The following PLXDC2 variants were observed in gnomAD, a reference collection of about 807,000 sequenced individuals.
PLXDC2 encodes the protein plexin domain-containing protein 2.
PLXDC2 carries 40 observed loss-of-function variants against 68.9 expected under a neutral mutation model. That is an observed-to-expected ratio of 0.58 (90% CI 0.45 to 0.76). The LOEUF is 0.76. Ranked by LOEUF, PLXDC2 falls within the 30% of genes least tolerant of loss-of-function variation. The pLI is 0.00. For missense variants in PLXDC2, 644 were observed against 661.9 expected, an observed-to-expected ratio of 0.97 and a Z score of 0.30; for synonymous variants, 243 against 234.2, an observed-to-expected ratio of 1.04 and a Z score of -0.34.
intron 3 of PLXDC2, among the ~76,000 whole-genome samples, chr10:20,060,516 T>C (rs1836082749): frequency 6.9e-6 from 1 of 144,080 alleles, no homozygotes. Flanking sequence ...AAAAAGTCAT[T>C]GAGGCTGGGC....
chr10:19,985,462 G>C (rs1028267625), intron 1 of PLXDC2, among the ~76,000 whole-genome samples: 1 of 152,106 alleles, frequency 6.6e-6, no homozygotes, highest in East Asian at 1.9e-4. Context: ...TTTCCACTTA[G>C]AGAAGTTGCT....
At chr10:19,889,229 T>C (rs1837903878) in intron 1 of PLXDC2, among the ~76,000 whole-genome samples, 2 of 151,990 alleles carry the variant, frequency 1.3e-5, no homozygotes. Context: ...TAAAATTATT[T>C]TTCTTCAAAT....
At chr10:19,872,706 A>T (rs534970077) in intron 1 of PLXDC2, among the ~76,000 whole-genome samples, 1 of 151,948 alleles carries the variant, frequency 6.6e-6, no homozygotes, top group Non-Finnish European at 1.5e-5. Context: ...AGAGTTAGAG[A>T]CAGGGTGGGG....
rs1836154030 is a variant in PLXDC2, at chr10:20,286,478, C to T, written c.*6659C>T. Reference sequence around the variant, plus strand: ...CCACGAGAATTTTGATTTTTAACAGCAGTCTCTCTTTTTCTCAGCATTGCA... The same window carrying T: ...CCACGAGAATTTTGATTTTTAACAGTAGTCTCTCTTTTTCTCAGCATTGCA... On this transcript the variant is annotated 3_prime_UTR_variant, in exon 14 of 14. Coordinates refer to ENST00000377252, the MANE Select transcript of PLXDC2 (RefSeq NM_032812.9). 6.6e-6 allele frequency: 1 copy of T among 152,060 alleles called. No individual in the cohort carries two copies. Among genetic ancestry groups the T allele is most frequent in the South Asian group, 2.1e-4 (1 of 4,830 alleles). The allele number at this position is 152,060 out of a possible 1,614,324, so 9.4% of individuals were successfully genotyped here. A position where few individuals can be genotyped will look rare whatever the true frequency, so the allele number is the denominator to read the frequency against.
At chr10:20,093,077 A>C (rs1341840845) in intron 4 of PLXDC2, among the ~76,000 whole-genome samples, 1 of 152,132 alleles carries the variant, frequency 6.6e-6, no homozygotes, top group Non-Finnish European at 1.5e-5. Flanking sequence ...CAGCTACGGG[A>C]AACTAATATA....
chr10:19,831,877 G>A (rs1167146403), intron 1 of PLXDC2, among the ~76,000 whole-genome samples: 6 of 152,040 alleles, frequency 3.9e-5, no homozygotes, highest in South Asian at 2.1e-4. Flanking sequence ...AAATAGTACT[G>A]CAATGCATGT....
intron 2 of PLXDC2, among the ~76,000 whole-genome samples, chr10:20,032,319 G>T (rs1835512640): frequency 6.6e-6 from 1 of 152,212 alleles, no homozygotes; most frequent in African/African-American, 2.4e-5. Flanking sequence ...ATTGTGGTTG[G>T]TGTGGCATGT....
At chr10:20,062,997 A>G (rs1836132284) in intron 3 of PLXDC2, among the ~76,000 whole-genome samples, 1 of 152,156 alleles carries the variant, frequency 6.6e-6, no homozygotes, top group Non-Finnish European at 1.5e-5. Flanking sequence ...TTATATTTGA[A>G]ATTGTTTTTT....
At chr10:20,087,943 G>A (rs532413471) in intron 4 of PLXDC2, among the ~76,000 whole-genome samples, 4 of 152,254 alleles carry the variant, frequency 2.6e-5, no homozygotes, top group African/African-American at 9.6e-5. Context: ...TGGTCACACT[G>A]CCATCTTCAT....
chr10:20,247,603 C>G (rs540944411), intron 13 of PLXDC2, among the ~76,000 whole-genome samples: 1 of 152,280 alleles, frequency 6.6e-6, no homozygotes, highest in South Asian at 2.1e-4. Flanking sequence ...GGTATAATCT[C>G]TTTCTCTTCT....
At chr10:19,879,202 C>T (rs945076383) in intron 1 of PLXDC2, among the ~76,000 whole-genome samples, 1 of 152,160 alleles carries the variant, frequency 6.6e-6, no homozygotes, top group African/African-American at 2.4e-5. Context: ...CTGAAAACGA[C>T]AACTTCCAAA....
At chr10:19,847,964 G>GCAGT in intron 1 of PLXDC2, among the ~76,000 whole-genome samples, 1 of 152,060 alleles carries the variant, frequency 6.6e-6, no homozygotes, top group Non-Finnish European at 1.5e-5. Flanking sequence ...CGATTGCTAG[G>GCAGT]CAGTTAGATG....
chr10:20,245,603 C>A lies in PLXDC2; in HGVS notation c.1473+98C>A, dbSNP rs1255747836. The A allele has an allele frequency of 2.9e-6, 4 of 1,366,326 alleles. No individual in the cohort carries two copies. In the African/African-American group the frequency reaches 4.4e-5, roughly 15 times the overall value. The allele number at this position is 1,366,326 out of a possible 1,614,324, so 84.6% of individuals were successfully genotyped here. A position where few individuals can be genotyped will look rare whatever the true frequency, so the allele number is the denominator to read the frequency against. On this transcript the variant is annotated intron_variant, in intron 13 of 13. Coordinates refer to ENST00000377252, the MANE Select transcript of PLXDC2 (RefSeq NM_032812.9). ...TTTAATATTTACCACATGGCTTCTC[C>A]ATTTTTCAGTTCAAGCTTTCTGATT...
chr10:19,867,566 C>G (rs2131340021), intron 1 of PLXDC2, among the ~76,000 whole-genome samples: 1 of 152,222 alleles, frequency 6.6e-6, no homozygotes, highest in Middle Eastern at 3.4e-3. Flanking sequence ...CAGGTTGCTC[C>G]CTGACTCCTC....
intron 1 of PLXDC2, among the ~76,000 whole-genome samples, chr10:19,840,309 C>G (rs1836879243): frequency 6.6e-6 from 1 of 152,010 alleles, no homozygotes; most frequent in Non-Finnish European, 1.5e-5. Context: ...AGTGTTTAAG[C>G]TTTAGATAAG....
At chr10:20,167,373 T>G (rs1181306575) in intron 7 of PLXDC2, among the ~76,000 whole-genome samples, 2 of 152,138 alleles carry the variant, frequency 1.3e-5, no homozygotes, top group East Asian at 3.9e-4. Context: ...ATTAGCACAA[T>G]GCAAGTTATA....
intron 2 of PLXDC2, among the ~76,000 whole-genome samples, chr10:20,006,504 C>G (rs904835784): frequency 5.3e-5 from 8 of 152,058 alleles, no homozygotes; most frequent in Non-Finnish European, 1.0e-4. Context: ...CAAAAACCAC[C>G]CAGAATGGTA....
chr10:20,054,071 C>G (rs1835951433), intron 3 of PLXDC2, among the ~76,000 whole-genome samples: 1 of 152,016 alleles, frequency 6.6e-6, no homozygotes, highest in Admixed American at 6.6e-5. Flanking sequence ...AACCTTGATG[C>G]AGAACTGGGC....
At chr10:19,843,587 A>G (rs57354703) in intron 1 of PLXDC2, among the ~76,000 whole-genome samples, 9,618 of 152,306 alleles carry the variant, frequency 0.063, 390 homozygotes, top group East Asian at 0.14. Context: ...CACAATAGTT[A>G]TCTGAAAGAA....
Sources: allele counts gnomAD v4.1 joint callset (sites outside exome capture counted in the v4.1 genomes callset), GRCh38; gene constraint gnomAD v4.1.1; transcripts MANE v1.5; gene names NCBI Gene and HGNC (gene_info 2026-07-23, HGNC 2026-07-21).